Variants in VTI1A observed in about 807,000 individuals in gnomAD.
VTI1A encodes the protein vesicle transport through interaction with t-SNAREs 1A.
In VTI1A, 22 loss-of-function variants were observed where a neutral mutation model predicts 34.9. The observed-to-expected ratio is 0.63, with a 90% CI of 0.45 to 0.90. The LOEUF (loss-of-function observed/expected upper bound fraction) is 0.90. Ranked by LOEUF, VTI1A falls within the 40% of genes least tolerant of loss-of-function variation. VTI1A has a pLI of 0.00. For missense variants in VTI1A, 268 were observed against 275.6 expected, an observed-to-expected ratio of 0.97 and a Z score of 0.20; for synonymous variants, 87 against 97.3, an observed-to-expected ratio of 0.89 and a Z score of 0.62.
the VTI1A span, among the ~76,000 whole-genome samples, chr10:112,841,984 T>C: frequency 1.3e-5 from 2 of 151,238 alleles, no homozygotes; most frequent in African/African-American, 2.4e-5. Context: ...TAGTTGATTT[T>C]AATTTCATGA....
At chr10:112,799,484 C>G (rs1334868829) in intron 7 of VTI1A, among the ~76,000 whole-genome samples, 1 of 152,218 alleles carries the variant, frequency 6.6e-6, no homozygotes, top group Non-Finnish European at 1.5e-5. Flanking sequence ...CAGCCCCTCG[C>G]TTTAGAAAAA....
intron 5 of VTI1A, among the ~76,000 whole-genome samples, chr10:112,588,649 A>C (rs1384815829): frequency 6.6e-6 from 1 of 152,242 alleles, no homozygotes; most frequent in African/African-American, 2.4e-5. Context: ...CTGAGTCTTA[A>C]AACTGCAAGT....
the VTI1A span, among the ~76,000 whole-genome samples, chr10:112,843,338 C>T: frequency 6.6e-6 from 1 of 152,244 alleles, no homozygotes; most frequent in Non-Finnish European, 1.5e-5. Flanking sequence ...GAGATTTTAT[C>T]TGAAGGGCCA....
intron 7 of VTI1A, among the ~76,000 whole-genome samples, chr10:112,723,255 A>T (rs1450077932): frequency 1.3e-5 from 2 of 152,184 alleles, no homozygotes; most frequent in African/African-American, 4.8e-5. Context: ...GTTAGAAGCT[A>T]GGAACCTATA....
chr10:112,744,753 C>A (rs1850831877), intron 7 of VTI1A, among the ~76,000 whole-genome samples: 1 of 152,198 alleles, frequency 6.6e-6, no homozygotes, highest in Non-Finnish European at 1.5e-5. Flanking sequence ...CCTACTATTG[C>A]ACTTTCGATG....
At chr10:112,587,305 G>GTA (rs2134419250) in intron 5 of VTI1A, among the ~76,000 whole-genome samples, 1 of 152,234 alleles carries the variant, frequency 6.6e-6, no homozygotes, top group South Asian at 2.1e-4. Context: ...TACTGTTGCA[G>GTA]TAGTTAGTCA....
intron 7 of VTI1A, among the ~76,000 whole-genome samples, chr10:112,779,594 G>A (rs1438008705): frequency 6.6e-6 from 1 of 152,178 alleles, no homozygotes; most frequent in Admixed American, 6.5e-5. Flanking sequence ...TTTAGAGAAT[G>A]TCTTTGCTCT....
chr10:112,839,330 C>G, the VTI1A span, among the ~76,000 whole-genome samples: 1 of 152,140 alleles, frequency 6.6e-6, no homozygotes, highest in Non-Finnish European at 1.5e-5. Context: ...GGTGGGGTCC[C>G]GGCCTGCAGG....
intron 5 of VTI1A, among the ~76,000 whole-genome samples, chr10:112,611,993 G>A (rs771022924): frequency 2.7e-4 from 41 of 151,912 alleles, no homozygotes; most frequent in Non-Finnish European, 4.9e-4. Context: ...CGCCCGCCTC[G>A]GCCTCCGAAA....
intron 7 of VTI1A, among the ~76,000 whole-genome samples, chr10:112,757,632 C>T (rs1564913978): frequency 1.3e-5 from 2 of 152,026 alleles, no homozygotes; most frequent in South Asian, 4.1e-4. Context: ...GTGATCTGCC[C>T]ACCTCGTCCT....
chr10:112,504,766 G>A (rs1297873070), intron 3 of VTI1A, among the ~76,000 whole-genome samples: 1 of 152,136 alleles, frequency 6.6e-6, no homozygotes, highest in African/African-American at 2.4e-5. Context: ...GGAGATATTG[G>A]TTACTTGCAA....
At chr10:112,583,337 C>A in intron 5 of VTI1A, among the ~76,000 whole-genome samples, 1 of 152,150 alleles carries the variant, frequency 6.6e-6, no homozygotes, top group Non-Finnish European at 1.5e-5. Context: ...TTTTAGAAAA[C>A]CCTCAAATCT....
chr10:112,802,051 C>T (rs545430312), intron 7 of VTI1A, among the ~76,000 whole-genome samples: 59 of 152,200 alleles, frequency 3.9e-4, no homozygotes, highest in African/African-American at 1.3e-3. Flanking sequence ...AATTTGAGAC[C>T]AGCCTGGGTA....
Position 112,582,201 on chromosome 10 carries a change from AAG to A in VTI1A, c.427+43879_427+43880del, listed in dbSNP as rs1257461928. On this transcript the variant is annotated intron_variant, in intron 5 of 7. Coordinates refer to ENST00000393077, the MANE Select transcript of VTI1A (RefSeq NM_145206.4). ...CTTCTTGCTCTGTCGTGGAGTTAGA[AAG>A]AGAGAGAAGGACACTCTCTCCTGTC... Among the ~76,000 whole-genome samples the A allele has an allele frequency of 2.0e-5, 3 of 152,202 alleles. No individual in the cohort carries two copies. The East Asian group carries it at 5.8e-4, about 29-fold the overall frequency.
At chr10:112,478,170 T>C (rs1848341308) in intron 3 of VTI1A, among the ~76,000 whole-genome samples, 2 of 152,200 alleles carry the variant, frequency 1.3e-5, no homozygotes, top group Non-Finnish European at 2.9e-5. Flanking sequence ...TCCTATACTT[T>C]TCTAATATTG....
the VTI1A span, among the ~76,000 whole-genome samples, chr10:112,854,602 C>T: frequency 6.6e-6 from 1 of 152,204 alleles, no homozygotes; most frequent in African/African-American, 2.4e-5. Flanking sequence ...CATTTCCCCT[C>T]TGTTTCTCAG....
At chr10:112,830,837 A>AT in the VTI1A span, among the ~76,000 whole-genome samples, 1 of 46,238 alleles carries the variant, frequency 2.2e-5, no homozygotes, top group African/African-American at 8.6e-5. Flanking sequence ...ATATATATAT[A>AT]TATATATATA....
chr10:112,709,426 A>T (rs1028142591), intron 7 of VTI1A, among the ~76,000 whole-genome samples: 1 of 151,988 alleles, frequency 6.6e-6, no homozygotes, highest in Non-Finnish European at 1.5e-5. Context: ...CTTCTCTGCA[A>T]TGCAGCCTCT....
At chr10:112,825,124 G>A in the VTI1A span, 1 of 152,252 alleles carries the variant, frequency 6.6e-6, no homozygotes, top group Non-Finnish European at 1.5e-5. Context: ...TTGTCACTGT[G>A]TTTTGTAAGT....
Sources: gnomAD v4.1 joint callset for allele counts (sites outside exome capture counted in the v4.1 genomes callset) on GRCh38, gnomAD v4.1.1 for gene constraint, MANE v1.5 for transcripts, NCBI Gene and HGNC (gene_info 2026-07-23, HGNC 2026-07-21) for gene names.